ABI3BP: variants seen among roughly 807,000 people sequenced by gnomAD.
ABI3BP encodes the protein target of Nesh-SH3.
A neutral mutation model predicts 268.6 loss-of-function variants in ABI3BP; 216 were observed. The ratio of observed to expected loss-of-function variants is 0.80; its 90% CI spans 0.72 to 0.90. ABI3BP has a LOEUF of 0.90. Among genes scored for constraint, ABI3BP ranks in the 40% least tolerant of loss-of-function variants. The pLI is 0.00. For synonymous variants in ABI3BP, 730 were observed against 730.0 expected (o/e 1.00, Z 0.00); for missense variants, 2,090 against 2,182.4 (o/e 0.96, Z 0.84).
chr3:100,959,308 G>T lies in ABI3BP; in HGVS notation c.80-32827C>A, dbSNP rs1343836819. ...GATCGAGACCATCCTGGCTAACACG[G>T]TGAAACCCCGTCTCTACTAAAAATA... On this transcript the variant is annotated intron_variant, in intron 1 of 67. Coordinates refer to ENST00000471714, the MANE Select transcript of ABI3BP (RefSeq NM_001375547.2). Among the ~76,000 whole-genome samples, 3 of 151,502 alleles carry T rather than the reference G, an allele frequency of 2.0e-5. No homozygotes were observed. The East Asian group carries it at 5.8e-4, about 29-fold the overall frequency.
chr3:100,849,945 A>T, intron 17 of ABI3BP, 100 bp downstream of exon 17: 1 of 1,026,398 alleles, frequency 9.7e-7, no homozygotes. Flanking sequence ...ATTTAGCAAA[A>T]ACAAACAAAA....
Position 100,763,576 on chromosome 3 carries a change from A to G in ABI3BP, c.4850+2265T>C, listed in dbSNP as rs1393690499. On this transcript the variant is annotated intron_variant, in intron 63 of 67. Transcript: ENST00000471714. ...CCTCCTCAGAAGGCCCACTGACAAA[A>G]GACAGGAGCAATAAACAGGACATAT... Among the ~76,000 whole-genome samples the G allele has an allele frequency of 2.0e-5, 3 of 152,300 alleles. No individual in the cohort carries two copies. In the East Asian group the frequency reaches 5.8e-4, roughly 29 times the overall value.
intron 38 of ABI3BP, among the ~76,000 whole-genome samples, chr3:100,821,993 C>A (rs2098245080): frequency 6.6e-6 from 1 of 152,036 alleles, no homozygotes; most frequent in African/African-American, 2.4e-5. Context: ...ATTCTTCCCA[C>A]CCTTCTACTC....
At chr3:100,893,019 C>T (rs2153446424) in intron 4 of ABI3BP, among the ~76,000 whole-genome samples, 1 of 152,278 alleles carries the variant, frequency 6.6e-6, no homozygotes, top group Admixed American at 6.5e-5. Flanking sequence ...GAAAGGCAGA[C>T]CCACCCTCCA....
chr3:100,875,615 GA>G (rs963874013), intron 7 of ABI3BP, 36 bp from the exon 8 acceptor site: 5 of 1,448,862 alleles, frequency 3.5e-6, no homozygotes, highest in Non-Finnish European at 4.9e-6. Flanking sequence ...GAGGGGGTGG[GA>G]AATAGGAGGC....
intron 63 of ABI3BP, among the ~76,000 whole-genome samples, chr3:100,758,579 G>A (rs1028664142): frequency 3.9e-5 from 6 of 152,070 alleles, no homozygotes; most frequent in African/African-American, 1.4e-4. Context: ...TGGAAAGATC[G>A]AAAATTTAAC....
intron 60 of ABI3BP, among the ~76,000 whole-genome samples, 166 bp from the exon 61 acceptor site, chr3:100,774,839 G>T (rs987515451): frequency 6.6e-6 from 1 of 152,120 alleles, no homozygotes; most frequent in Non-Finnish European, 1.5e-5. Flanking sequence ...GCCATTAGTT[G>T]TGTCCTGCTG....
At chr3:100,906,153 A>G (rs1158016868) in intron 2 of ABI3BP, among the ~76,000 whole-genome samples, 1 of 152,224 alleles carries the variant, frequency 6.6e-6, no homozygotes, top group Non-Finnish European at 1.5e-5. Flanking sequence ...TGGATTAATT[A>G]TGCCTAATGC....
chr3:100,796,412 G>T lies in ABI3BP; in HGVS notation c.3814C>A (p.Pro1272Thr). 6.3e-7 allele frequency: 1 copy of T among 1,586,340 alleles called. No homozygotes were observed. Among genetic ancestry groups the T allele is most frequent in the Middle Eastern group, 1.7e-4 (1 of 5,948 alleles). Residue 1272 changes from proline to threonine, a missense_variant, in exon 52 of 68, where the codon CCT becomes ACT. Transcript: ENST00000471714. ...KPYPEVSQSE[P>T]VLQPVTFRFE... ...AAGGATGAAATAATTAATTTACCAG[G>T]TTCGCTCTGAGAGACCTCAGGGTAT...
rs1289589330 is a variant in ABI3BP at position 100,908,975 on chromosome 3, A to C, written c.260-6289T>G. ...GACAATCCTAAGCAAAAATAACAAA[A>C]CTGGAGGCATCACACTACCTGACTT... On this transcript the variant is annotated intron_variant, in intron 2 of 67. Coordinates refer to ENST00000471714, the MANE Select transcript of ABI3BP (RefSeq NM_001375547.2). Among the ~76,000 whole-genome samples, 3 of 152,198 alleles carry C rather than the reference A, an allele frequency of 2.0e-5. No individual in the cohort carries two copies. The South Asian group carries it at 6.2e-4, about 32-fold the overall frequency.
chr3:100,818,097 A>G (rs2098111642), intron 41 of ABI3BP, among the ~76,000 whole-genome samples: 1 of 152,232 alleles, frequency 6.6e-6, no homozygotes, highest in African/African-American at 2.4e-5. Flanking sequence ...TTGACAATTT[A>G]CTAAAAACAT....
chr3:100,850,197 G>A (rs2098822028), intron 16 of ABI3BP, 78 bp from the exon 17 acceptor site: 6 of 1,307,118 alleles, frequency 4.6e-6, no homozygotes, highest in Middle Eastern at 1.8e-4. Flanking sequence ...CATGCTTTTA[G>A]ATGGTATAAA....
chr3:100,825,670 T>C (rs1020933800), intron 35 of ABI3BP, 115 bp downstream of exon 35: 1 of 800,862 alleles, frequency 1.2e-6, no homozygotes, highest in Non-Finnish European at 2.1e-6. Context: ...CAGGCAGTGA[T>C]GTTTGCTATT....
chr3:100,938,370 G>C (rs78672712), intron 1 of ABI3BP, among the ~76,000 whole-genome samples: 1 of 151,582 alleles, frequency 6.6e-6, no homozygotes, highest in Non-Finnish European at 1.5e-5. Flanking sequence ...TTAGGGAGTC[G>C]AAAAGGGATC....
At chr3:100,795,473 T>C (rs2097317557) in intron 53 of ABI3BP, among the ~76,000 whole-genome samples, 1 of 152,042 alleles carries the variant, frequency 6.6e-6, no homozygotes, top group African/African-American at 2.4e-5. Flanking sequence ...ACTTACCACA[T>C]ACTAGTATGT....
chr3:100,770,372 G>A (rs1000959605), intron 62 of ABI3BP, among the ~76,000 whole-genome samples: 2 of 152,156 alleles, frequency 1.3e-5, no homozygotes, highest in Non-Finnish European at 2.9e-5. Context: ...CTGCTAGAAA[G>A]TTCTAGGTCA....
At chr3:100,874,353 C>T (rs2099139681) in intron 9 of ABI3BP, among the ~76,000 whole-genome samples, 1 of 152,064 alleles carries the variant, frequency 6.6e-6, no homozygotes, top group African/African-American at 2.4e-5. Context: ...ATTCCCTGGC[C>T]CTTTTTTAAG....
At chr3:100,859,908 T>G (rs746243241) in intron 14 of ABI3BP, among the ~76,000 whole-genome samples, 4 of 152,074 alleles carry the variant, frequency 2.6e-5, no homozygotes, top group Non-Finnish European at 5.9e-5. Flanking sequence ...CAAACTTTAA[T>G]GTTCAATACA....
intron 51 of ABI3BP, among the ~76,000 whole-genome samples, chr3:100,800,812 C>G (rs960189107): frequency 6.6e-6 from 1 of 152,164 alleles, no homozygotes; most frequent in Admixed American, 6.6e-5. Context: ...ATCTTTGCTT[C>G]CTTAAAAATC....
Sources: gnomAD v4.1 joint callset for allele counts (sites outside exome capture counted in the v4.1 genomes callset) on GRCh38, gnomAD v4.1.1 for gene constraint, MANE v1.5 for transcripts, NCBI Gene and HGNC (gene_info 2026-07-23, HGNC 2026-07-21) for gene names.